The following ERC2 variants were observed in gnomAD, a reference collection of about 807,000 sequenced individuals.
ERC2 encodes ERC protein 2.
Under a neutral mutation model 114.8 loss-of-function variants are expected in ERC2, and 42 were observed. The ratio of observed to expected loss-of-function variants is 0.37; its 90% CI spans 0.29 to 0.47. ERC2 has a LOEUF of 0.47. Among genes scored for constraint, ERC2 ranks in the 20% least tolerant of loss-of-function variants. The probability of loss-of-function intolerance (pLI) is 0.99; values close to 1 mark genes in which losing one functional copy is unlikely to be tolerated. For missense variants in ERC2, 939 were observed against 1,150.7 expected (o/e 0.82, Z 2.66); for synonymous variants, 454 against 425.5 (o/e 1.07, Z -0.82).
intron 2 of ERC2, among the ~76,000 whole-genome samples, chr3:56,365,282 T>A (rs1022943833): frequency 6.6e-6 from 1 of 152,236 alleles, no homozygotes; most frequent in African/African-American, 2.4e-5. Flanking sequence ...TATTTTGATA[T>A]GTTCAGACAC....
In ERC2 at chr3:56,247,947, A is replaced by G. The variant is rs532253138; in HGVS notation, c.1074+48072T>C. On this transcript the variant is annotated intron_variant, in intron 3 of 17. Coordinates refer to ENST00000288221, the MANE Select transcript of ERC2 (RefSeq NM_015576.3). ...CTATCTGAAACACAGGACATGCCCA[A>G]TACCTTTTAATAATAATTGCAGGCA... Among the ~76,000 whole-genome samples, 15 of 152,358 alleles carry G rather than the reference A, an allele frequency of 9.8e-5. No individual in the cohort carries two copies. The East Asian group carries it at 1.7e-3, about 18-fold the overall frequency.
intron 14 of ERC2, among the ~76,000 whole-genome samples, chr3:55,818,915 C>T (rs779774091): frequency 1.3e-5 from 2 of 152,184 alleles, no homozygotes; most frequent in Non-Finnish European, 2.9e-5. Flanking sequence ...CGCAAGTCCA[C>T]AAGTATCTTT....
chr3:55,718,925 G>C (rs1292109144), intron 15 of ERC2, among the ~76,000 whole-genome samples: 2 of 152,048 alleles, frequency 1.3e-5, no homozygotes, highest in African/African-American at 2.4e-5. Flanking sequence ...TTCCTGTGGG[G>C]GTGAGCCACA....
intron 6 of ERC2, among the ~76,000 whole-genome samples, chr3:56,124,635 C>T (rs550154879): frequency 6.6e-6 from 1 of 152,300 alleles, no homozygotes; most frequent in African/African-American, 2.4e-5. Context: ...GCTCCATTCT[C>T]AAGAAACTGA....
chr3:55,741,531 A>G (rs1214900874), intron 14 of ERC2, among the ~76,000 whole-genome samples: 1 of 152,204 alleles, frequency 6.6e-6, no homozygotes, highest in Non-Finnish European at 1.5e-5. Flanking sequence ...TTACTGTCCC[A>G]TCAACCTGAA....
chr3:56,431,477 T>C (rs894747662), intron 2 of ERC2, among the ~76,000 whole-genome samples: 3 of 152,198 alleles, frequency 2.0e-5, no homozygotes, highest in African/African-American at 7.2e-5. Flanking sequence ...CCTGAGTCAC[T>C]GCATGGAAAA....
At chr3:55,801,052 T>C (rs1575641611) in intron 14 of ERC2, among the ~76,000 whole-genome samples, 1 of 152,226 alleles carries the variant, frequency 6.6e-6, no homozygotes, top group East Asian at 1.9e-4. Flanking sequence ...GAACAACCCA[T>C]AACATTCCCC....
intron 7 of ERC2, among the ~76,000 whole-genome samples, chr3:56,078,443 C>T (rs1184147523): frequency 1.3e-5 from 2 of 152,182 alleles, no homozygotes; most frequent in East Asian, 3.8e-4. Flanking sequence ...AAGAGACTCA[C>T]TGGCTCTCAG....
intron 17 of ERC2, among the ~76,000 whole-genome samples, chr3:55,667,857 TGGAGAACA>T (rs1238859213): frequency 2.7e-4 from 41 of 152,336 alleles, no homozygotes; most frequent in African/African-American, 9.4e-4. Context: ...AGTTTGCCCC[TGGAGAACA>T]TGCTCTATGC....
chr3:55,642,953 C>A (rs988188190), intron 17 of ERC2, among the ~76,000 whole-genome samples: 13 of 152,136 alleles, frequency 8.5e-5, no homozygotes, highest in Admixed American at 2.6e-4. Flanking sequence ...ATTATGAAAT[C>A]TTGTTACCAC....
intron 10 of ERC2, among the ~76,000 whole-genome samples, chr3:56,003,541 G>A (rs538317361): frequency 1.2e-4 from 18 of 152,160 alleles, no homozygotes; most frequent in Non-Finnish European, 1.6e-4. Context: ...TTAATTAAAC[G>A]TTATCATTGA....
intron 6 of ERC2, among the ~76,000 whole-genome samples, chr3:56,096,763 A>G (rs1430175038): frequency 6.6e-6 from 1 of 152,182 alleles, no homozygotes; most frequent in Non-Finnish European, 1.5e-5. Flanking sequence ...GCTCCAAACA[A>G]AATGTCATCA....
At chr3:56,362,778 C>T (rs2059007248) in intron 2 of ERC2, among the ~76,000 whole-genome samples, 1 of 152,236 alleles carries the variant, frequency 6.6e-6, no homozygotes. Flanking sequence ...CATCCTCACA[C>T]TGTGTTAGAG....
intron 7 of ERC2, among the ~76,000 whole-genome samples, chr3:56,049,259 CG>C (rs2075640842): frequency 6.6e-6 from 1 of 152,162 alleles, no homozygotes. Context: ...AAAGCAGAAA[CG>C]GCTGATAGGA....
chr3:55,914,185 ATC>A (rs1355796849), intron 13 of ERC2, among the ~76,000 whole-genome samples: 2 of 152,112 alleles, frequency 1.3e-5, no homozygotes, highest in Non-Finnish European at 2.9e-5. Flanking sequence ...TGTCTCTGAA[ATC>A]TCTAGATATA....
intron 13 of ERC2, among the ~76,000 whole-genome samples, chr3:55,930,385 G>C (rs891021485): frequency 4.6e-5 from 7 of 152,120 alleles, no homozygotes; most frequent in African/African-American, 1.7e-4. Flanking sequence ...AAAACAGCAT[G>C]GTACTGGTAC....
At chr3:56,332,821 C>T (rs1437985757) in intron 2 of ERC2, among the ~76,000 whole-genome samples, 1 of 152,076 alleles carries the variant, frequency 6.6e-6, no homozygotes, top group Non-Finnish European at 1.5e-5. Flanking sequence ...CCCTTTGATC[C>T]CATTACACTC....
At position 55,824,833 on chromosome 3, in the gene ERC2, C is replaced by T. The variant is rs193058773; in HGVS notation, c.2564+63556G>A. Among the ~76,000 whole-genome samples, 29 of 152,284 alleles carry T rather than the reference C, an allele frequency of 1.9e-4. No homozygotes were observed. The East Asian group carries it at 5.0e-3, about 26-fold the overall frequency. On this transcript the variant is annotated intron_variant, in intron 14 of 17. Transcript: ENST00000288221. ...GGATCCCGTTCTAAATTTAAATGAA[C>T]ATTGAATGGGTATAGCAAAGCTTCT...
At chr3:56,129,341 C>A (rs28397662) in intron 6 of ERC2, among the ~76,000 whole-genome samples, 4,488 of 152,218 alleles carry the variant, frequency 0.029, 66 homozygotes, top group Middle Eastern at 0.065. Context: ...GGAAGTGTGA[C>A]AAACGTGGAT....
Sources: allele counts gnomAD v4.1 joint callset (sites outside exome capture counted in the v4.1 genomes callset), GRCh38; gene constraint gnomAD v4.1.1; transcripts MANE v1.5; gene names NCBI Gene and HGNC (gene_info 2026-07-23, HGNC 2026-07-21).